PLCG2: variants seen among roughly 807,000 people sequenced by gnomAD.
PLCG2 encodes the protein phospholipase C gamma 2.
A neutral mutation model predicts 175.6 loss-of-function variants in PLCG2; 69 were observed. The ratio of observed to expected loss-of-function variants is 0.39; its 90% CI spans 0.32 to 0.48. PLCG2 has a LOEUF of 0.48. Among genes scored for constraint, PLCG2 ranks in the 20% least tolerant of loss-of-function variants. The pLI is 0.91. For missense variants in PLCG2, 1,798 were observed against 1,650.9 expected (o/e 1.09, Z -1.54); for synonymous variants, 827 against 624.0 (o/e 1.33, Z -4.85).
intron 2 of PLCG2, among the ~76,000 whole-genome samples, chr16:81,790,293 C>G (rs997572422): frequency 6.6e-6 from 1 of 152,162 alleles, no homozygotes; most frequent in Non-Finnish European, 1.5e-5. Flanking sequence ...AGGGTCCATT[C>G]TCAGGTTTTC....
chr16:81,942,687 C>G (rs992028960), intron 30 of PLCG2, among the ~76,000 whole-genome samples: 3 of 152,156 alleles, frequency 2.0e-5, no homozygotes, highest in African/African-American at 7.2e-5. Flanking sequence ...ATTCTGAGCA[C>G]TTTGAGGCCG....
At chr16:81,946,866 C>A (rs1374448138) in intron 31 of PLCG2, among the ~76,000 whole-genome samples, 1 of 151,618 alleles carries the variant, frequency 6.6e-6, no homozygotes, top group Non-Finnish European at 1.5e-5. Flanking sequence ...TAGCAGAAGC[C>A]TTAAACCAGT....
intron 1 of PLCG2, among the ~76,000 whole-genome samples, chr16:81,751,875 A>ATTTTTATAT (rs1909819215): frequency 2.0e-5 from 3 of 151,976 alleles, no homozygotes; most frequent in Non-Finnish European, 4.4e-5. Context: ...TATAAACATT[A>ATTTTTATAT]GGTGGATATG....
intron 2 of PLCG2, among the ~76,000 whole-genome samples, chr16:81,760,562 C>T (rs1597305386): frequency 6.6e-6 from 1 of 151,874 alleles, no homozygotes. Flanking sequence ...GGCAGTCAAA[C>T]ATAGGAGGTC....
At chr16:81,778,057 A>AAC, upstream of PLCG2, among the ~76,000 whole-genome samples, 5 of 108,804 alleles carry the variant, frequency 4.6e-5, no homozygotes, top group African/African-American at 8.9e-5. Context: ...AAAAAAAACA[A>AAC]AAAAAACCAA....
At chr16:81,896,417 CACACACACAA>C (rs1908892921) in intron 13 of PLCG2, among the ~76,000 whole-genome samples, 1 of 84,698 alleles carries the variant, frequency 1.2e-5, no homozygotes, top group Non-Finnish European at 2.5e-5. Flanking sequence ...CACACACACA[CACACACACAA>C]ATCATCTGGG....
chr16:81,833,021 G>A (rs1905331117), intron 2 of PLCG2, among the ~76,000 whole-genome samples: 1 of 152,210 alleles, frequency 6.6e-6, no homozygotes, highest in Non-Finnish European at 1.5e-5. Flanking sequence ...ATGAGGACCT[G>A]GAAAGGGAAG....
At chr16:81,859,330 C>T (rs943922544) in intron 5 of PLCG2, 167 bp downstream of exon 5, 1 of 566,742 alleles carries the variant, frequency 1.8e-6, no homozygotes, top group Non-Finnish European at 3.2e-6. Context: ...ATGACAAAAT[C>T]CTCCTCCTGG....
chr16:81,862,224 C>T (rs1439021752), intron 5 of PLCG2, among the ~76,000 whole-genome samples: 1 of 152,234 alleles, frequency 6.6e-6, no homozygotes, highest in Non-Finnish European at 1.5e-5. Flanking sequence ...CGAGAGGGGG[C>T]AGGCTCAGGG....
chr16:81,803,870 C>G (rs1469869004), intron 2 of PLCG2, among the ~76,000 whole-genome samples: 1 of 152,110 alleles, frequency 6.6e-6, no homozygotes, highest in East Asian at 1.9e-4. Flanking sequence ...TTAATACAGA[C>G]AGGGTTTCAC....
At chr16:81,934,612 CAG>C (rs1355046782) in intron 26 of PLCG2, 81 bp downstream of exon 26, 10 of 850,408 alleles carry the variant, frequency 1.2e-5, no homozygotes, top group Non-Finnish European at 1.8e-5. Flanking sequence ...TCAGAGGGGG[CAG>C]AGAGTGCATT....
chr16:81,838,902 C>T (rs987038235), intron 2 of PLCG2, among the ~76,000 whole-genome samples: 3 of 151,620 alleles, frequency 2.0e-5, no homozygotes, highest in Admixed American at 6.6e-5. Context: ...TCCTCGGGTC[C>T]CGGTGACCCA....
chr16:81,765,907 G>T (rs1030463475), intron 2 of PLCG2, among the ~76,000 whole-genome samples: 1 of 152,214 alleles, frequency 6.6e-6, no homozygotes, highest in South Asian at 2.1e-4. Flanking sequence ...GGCCCTGGGG[G>T]CCCCCACAGG....
chr16:81,874,402 AAATTT>A (rs1386097658), intron 7 of PLCG2, among the ~76,000 whole-genome samples: 2 of 152,226 alleles, frequency 1.3e-5, no homozygotes, highest in African/African-American at 2.4e-5. Context: ...TGCATTTTAA[AAATTT>A]AATTTAGTGA....
intron 2 of PLCG2, among the ~76,000 whole-genome samples, chr16:81,765,741 C>G (rs1216515571): frequency 6.6e-6 from 1 of 152,214 alleles, no homozygotes; most frequent in Non-Finnish European, 1.5e-5. Context: ...CTCTGGGAAA[C>G]TAATGCATGT....
chr16:81,739,831 A>T (rs985264597), intron 1 of PLCG2: 1 of 152,220 alleles, frequency 6.6e-6, no homozygotes, highest in Admixed American at 6.5e-5. Flanking sequence ...GAAATGAATT[A>T]GTAAGTGCTC....
chr16:81,843,681 A>G (rs1171123858), intron 2 of PLCG2, among the ~76,000 whole-genome samples: 1 of 152,238 alleles, frequency 6.6e-6, no homozygotes. Context: ...CTGAATTAGG[A>G]TATTCTTCTA....
intron 2 of PLCG2, among the ~76,000 whole-genome samples, chr16:81,757,312 C>G (rs1909949093): frequency 1.3e-5 from 2 of 151,930 alleles, no homozygotes; most frequent in African/African-American, 4.8e-5. Flanking sequence ...AACCCCCAAA[C>G]AAACAAAAAA....
intron 2 of PLCG2, among the ~76,000 whole-genome samples, chr16:81,765,319 G>A (rs1393562571): frequency 6.6e-6 from 1 of 152,350 alleles, no homozygotes; most frequent in South Asian, 2.1e-4. Context: ...ACAATCTCCC[G>A]CAGAGCCTCC....
Sources: allele counts gnomAD v4.1 joint callset (sites outside exome capture counted in the v4.1 genomes callset), GRCh38; gene constraint gnomAD v4.1.1; transcripts MANE v1.5; gene names NCBI Gene and HGNC (gene_info 2026-07-23, HGNC 2026-07-21).